KIZ: variants seen among roughly 807,000 people sequenced by gnomAD.
KIZ encodes the protein centrosomal protein kizuna.
KIZ carries 68 observed loss-of-function variants against 79.6 expected under a neutral mutation model. The observed-to-expected ratio is 0.85, with a 90% CI of 0.70 to 1.05. The LOEUF (loss-of-function observed/expected upper bound fraction) is 1.05. Ranked by LOEUF, KIZ falls within the 50% of genes least tolerant of loss-of-function variation. The pLI is 0.00. For synonymous variants in KIZ, 280 were observed against 281.8 expected, an observed-to-expected ratio of 0.99 and a Z score of 0.06; for missense variants, 797 against 800.4, an observed-to-expected ratio of 1.00 and a Z score of 0.05.
At chr20:21,128,471 A>C (rs1324597831) in intron 1 of KIZ, among the ~76,000 whole-genome samples, 1 of 152,180 alleles carries the variant, frequency 6.6e-6, no homozygotes, top group Non-Finnish European at 1.5e-5. Flanking sequence ...GACAAAAAAA[A>C]ACTCCCTCTT....
At chr20:21,155,301 T>C (rs2033323512) in intron 4 of KIZ, among the ~76,000 whole-genome samples, 1 of 152,072 alleles carries the variant, frequency 6.6e-6, no homozygotes, top group Non-Finnish European at 1.5e-5. Flanking sequence ...ATAAACAAAC[T>C]ACAGTATATC....
chr20:21,133,938 C>T (rs1309812724), intron 2 of KIZ, among the ~76,000 whole-genome samples: 2 of 152,218 alleles, frequency 1.3e-5, no homozygotes, highest in African/African-American at 4.8e-5. Context: ...TTTCTGACCC[C>T]CACTGGTAAG....
chr20:21,136,701 G>T, intron 3 of KIZ, 149 bp downstream of exon 3: 1 of 540,598 alleles, frequency 1.8e-6, no homozygotes. Flanking sequence ...CTGAGTAGCT[G>T]GGATTACAGG....
At chr20:21,213,263 A>G (rs550047331) in intron 7 of KIZ, among the ~76,000 whole-genome samples, 1 of 152,226 alleles carries the variant, frequency 6.6e-6, no homozygotes, top group Non-Finnish European at 1.5e-5. Context: ...GGGCCTTCTT[A>G]CCGGGCCTTC....
intron 4 of KIZ, among the ~76,000 whole-genome samples, chr20:21,156,689 AACT>A (rs1195283105): frequency 1.3e-5 from 2 of 152,190 alleles, no homozygotes; most frequent in African/African-American, 4.8e-5. Flanking sequence ...TCTGATCATG[AACT>A]GTGCTCAAGA....
At chr20:21,215,738 A>G in intron 9 of KIZ, 90 bp downstream of exon 9, 1 of 748,758 alleles carries the variant, frequency 1.3e-6, no homozygotes, top group East Asian at 2.7e-5. Context: ...TGTGGACCCC[A>G]CTAAGAGCAC....
chr20:21,134,337 G>A (rs1260413312), intron 2 of KIZ, among the ~76,000 whole-genome samples: 2 of 152,112 alleles, frequency 1.3e-5, no homozygotes, highest in Non-Finnish European at 2.9e-5. Context: ...AGGCTCTGTG[G>A]TTAGGTGCTT....
At chr20:21,192,580 G>A (rs758081047) in intron 6 of KIZ, among the ~76,000 whole-genome samples, 10 of 152,162 alleles carry the variant, frequency 6.6e-5, no homozygotes, top group Non-Finnish European at 1.2e-4. Flanking sequence ...AAAGTAATAT[G>A]TAAATTATGT....
At chr20:21,246,256 C>T (rs2037382575) in intron 12 of KIZ, 1 of 525,756 alleles carries the variant, frequency 1.9e-6, no homozygotes. Context: ...AAGTATTCTG[C>T]AAATTGTTTT....
intron 7 of KIZ, among the ~76,000 whole-genome samples, chr20:21,212,324 T>A (rs2036101339): frequency 6.6e-6 from 1 of 152,206 alleles, no homozygotes. Flanking sequence ...ACTTCCAACT[T>A]ACAATGGTTC....
intron 7 of KIZ, among the ~76,000 whole-genome samples, chr20:21,211,260 A>G (rs568628767): frequency 5.9e-5 from 9 of 152,364 alleles, no homozygotes; most frequent in African/African-American, 2.2e-4. Context: ...GGTGTAACTC[A>G]TAGAACGATT....
intron 6 of KIZ, 149 bp from the exon 7 acceptor site, chr20:21,205,342 C>T: frequency 2.2e-6 from 1 of 464,384 alleles, no homozygotes; most frequent in East Asian, 3.5e-5. Context: ...AAAAAGGATA[C>T]TTGGACTCAA....
chr20:21,184,306 C>T (rs1461304329), intron 6 of KIZ, among the ~76,000 whole-genome samples: 1 of 152,104 alleles, frequency 6.6e-6, no homozygotes, highest in Non-Finnish European at 1.5e-5. Context: ...CCCACCACCA[C>T]ACCCAGCTAA....
intron 9 of KIZ, among the ~76,000 whole-genome samples, chr20:21,223,433 G>A (rs2123380671): frequency 6.6e-6 from 1 of 152,318 alleles, no homozygotes; most frequent in South Asian, 2.1e-4. Context: ...TCGTGCATCA[G>A]CCGTCTTCCT....
chr20:21,188,870 T>C (rs891480174), intron 6 of KIZ, among the ~76,000 whole-genome samples: 1 of 151,610 alleles, frequency 6.6e-6, no homozygotes, highest in African/African-American at 2.4e-5. Context: ...CAGCTAATTT[T>C]TGTGTGTGTG....
At chr20:21,172,561 T>C (rs970500723) in intron 6 of KIZ, among the ~76,000 whole-genome samples, 1 of 151,836 alleles carries the variant, frequency 6.6e-6, no homozygotes, top group Non-Finnish European at 1.5e-5. Context: ...ATTGTGCCAC[T>C]GCACTCCAGC....
chr20:21,163,340 C>T lies in KIZ; in HGVS notation c.1352+181C>T, dbSNP rs896540347. Among the ~76,000 whole-genome samples, 8 of 152,250 alleles carry T rather than the reference C, an allele frequency of 5.3e-5. No homozygotes were observed. In the South Asian group the frequency reaches 1.5e-3, roughly 28 times the overall value. On this transcript the variant is annotated intron_variant, in intron 6 of 12. Coordinates refer to ENST00000619189, the MANE Select transcript of KIZ (RefSeq NM_018474.6). ...TTCTGTCCTTCTTTCTTCTTTCTTT[C>T]CTTCCTCCCTTCCTTCTTTCTTTGA...
intron 4 of KIZ, among the ~76,000 whole-genome samples, chr20:21,147,777 G>C (rs555145921): frequency 1.3e-5 from 2 of 152,192 alleles, no homozygotes; most frequent in African/African-American, 4.8e-5. Flanking sequence ...TGAGAAGAAA[G>C]AAGATTCTGC....
chr20:21,193,192 A>G (rs1315731799), intron 6 of KIZ, among the ~76,000 whole-genome samples: 3 of 152,154 alleles, frequency 2.0e-5, no homozygotes, highest in African/African-American at 4.8e-5. Context: ...ATGATCAGAG[A>G]TCACACCATT....
Sources: allele counts gnomAD v4.1 joint callset (sites outside exome capture counted in the v4.1 genomes callset), GRCh38; gene constraint gnomAD v4.1.1; transcripts MANE v1.5; gene names NCBI Gene and HGNC (gene_info 2026-07-23, HGNC 2026-07-21).